PROS1: variants seen among roughly 807,000 people sequenced by gnomAD.
PROS1 encodes the protein vitamin K-dependent protein S.
PROS1 carries 29 observed loss-of-function variants against 75.9 expected under a neutral mutation model. The ratio of observed to expected loss-of-function variants is 0.38; its 90% CI spans 0.28 to 0.52. The LOEUF is 0.52. Ranked by LOEUF, PROS1 falls within the 20% of genes least tolerant of loss-of-function variation. The pLI is 0.83. For missense variants in PROS1, 680 were observed against 810.3 expected (o/e 0.84, Z 1.95); for synonymous variants, 245 against 280.6 (o/e 0.87, Z 1.27).
intron 1 of PROS1, among the ~76,000 whole-genome samples, chr3:93,970,199 T>C (rs544548236): frequency 1.8e-3 from 268 of 152,270 alleles, no homozygotes; most frequent in Non-Finnish European, 3.1e-3. Flanking sequence ...CAGTAGTGTC[T>C]AGAGTAGCCT....
chr3:93,878,975 C>T (rs1708231938), intron 13 of PROS1, among the ~76,000 whole-genome samples, 188 bp downstream of exon 13: 1 of 151,978 alleles, frequency 6.6e-6, no homozygotes, highest in Admixed American at 6.6e-5. Context: ...TGGAAACAAG[C>T]CAGAAAAAAA....
intron 6 of PROS1, 150 bp downstream of exon 6, chr3:93,905,634 T>A: frequency 1.2e-6 from 1 of 842,180 alleles, no homozygotes; most frequent in Non-Finnish European, 1.9e-6. Flanking sequence ...AAAAAGCAGT[T>A]CCACAGTATC....
intron 1 of PROS1, among the ~76,000 whole-genome samples, chr3:93,956,192 CTTTCAATTTTGCTAA>C (rs1709595575): frequency 6.6e-6 from 1 of 151,948 alleles, no homozygotes; most frequent in Non-Finnish European, 1.5e-5. Flanking sequence ...TTATTGGTAT[CTTTCAATTTTGCTAA>C]TTTTTATGGG....
chr3:93,935,035 C>A (rs1013316631), intron 1 of PROS1, among the ~76,000 whole-genome samples: 4 of 151,948 alleles, frequency 2.6e-5, no homozygotes, highest in African/African-American at 9.7e-5. Context: ...CTCCAAACAG[C>A]AAATATCTTT....
intron 4 of PROS1, among the ~76,000 whole-genome samples, chr3:93,910,131 CAA>C (rs1398460326): frequency 6.6e-6 from 1 of 151,972 alleles, no homozygotes; most frequent in African/African-American, 2.4e-5. Flanking sequence ...ACCAATTTAC[CAA>C]AAAAGAGTCA....
At chr3:93,964,435 G>A (rs577144347) in intron 1 of PROS1, among the ~76,000 whole-genome samples, 6 of 152,228 alleles carry the variant, frequency 3.9e-5, no homozygotes, top group East Asian at 3.9e-4. Context: ...TGTCCTATGC[G>A]GTTGAGATAA....
At chr3:93,950,908 C>T (rs756619846) in intron 1 of PROS1, among the ~76,000 whole-genome samples, 4 of 151,966 alleles carry the variant, frequency 2.6e-5, no homozygotes, top group Admixed American at 6.6e-5. Flanking sequence ...GGAGGATGTG[C>T]GAATCCATTG....
intron 14 of PROS1, 85 bp downstream of exon 14, chr3:93,876,881 C>A (rs372706224): frequency 6.5e-6 from 6 of 919,498 alleles, no homozygotes; most frequent in Non-Finnish European, 8.1e-6. Flanking sequence ...CCTTCTGATG[C>A]TTTTTTACTA....
rs554417943 is a variant in PROS1 at position 93,932,922 on chromosome 3, C to T, written c.77-5515G>A. 2.6e-5 allele frequency among the ~76,000 whole-genome samples: 4 copies of T among 152,248 alleles called. No individual in the cohort carries two copies. The East Asian group carries it at 7.7e-4, about 29-fold the overall frequency. ...GAGGAGCATCCAGGTTTTAGGATAGCTTATCCTCTGAAGCTCTTCCATTTT... is the reference window on the plus strand; with the variant it reads ...GAGGAGCATCCAGGTTTTAGGATAGTTTATCCTCTGAAGCTCTTCCATTTT... On this transcript the variant is annotated intron_variant, in intron 1 of 14. Transcript: ENST00000394236.
chr3:93,897,730 A>T (rs1439363542), intron 8 of PROS1, among the ~76,000 whole-genome samples: 1 of 152,076 alleles, frequency 6.6e-6, no homozygotes, highest in Non-Finnish European at 1.5e-5. Flanking sequence ...GGTCTGCCTC[A>T]TAATAATATA....
chr3:93,904,866 A>G (rs1181369074), intron 6 of PROS1, among the ~76,000 whole-genome samples: 2 of 152,202 alleles, frequency 1.3e-5, no homozygotes, highest in Non-Finnish European at 2.9e-5. Flanking sequence ...AAACAAATAC[A>G]CTAGTAAAAT....
chr3:93,962,099 A>G (rs1428130127), intron 1 of PROS1, among the ~76,000 whole-genome samples: 1 of 152,098 alleles, frequency 6.6e-6, no homozygotes, highest in African/African-American at 2.4e-5. Context: ...TGCTGGTGGG[A>G]GGGACAGCAA....
intron 1 of PROS1, among the ~76,000 whole-genome samples, chr3:93,961,237 G>A (rs1267624426): frequency 6.6e-6 from 1 of 152,186 alleles, no homozygotes; most frequent in Non-Finnish European, 1.5e-5. Flanking sequence ...TCCATTTTGA[G>A]AGGAGAAGCA....
chr3:93,945,712 G>A (rs1012148364), intron 1 of PROS1, among the ~76,000 whole-genome samples: 1 of 152,118 alleles, frequency 6.6e-6, no homozygotes, highest in Non-Finnish European at 1.5e-5. Context: ...CATACTGAAT[G>A]GGCAAAAATG....
At chr3:93,886,772 C>T (rs2107140679) in intron 10 of PROS1, among the ~76,000 whole-genome samples, 1 of 152,190 alleles carries the variant, frequency 6.6e-6, no homozygotes, top group South Asian at 2.1e-4. Context: ...GCTTAAACAT[C>T]CAGTTATATA....
At chr3:93,929,950 A>C (rs1383655062) in intron 1 of PROS1, among the ~76,000 whole-genome samples, 1 of 152,214 alleles carries the variant, frequency 6.6e-6, no homozygotes, top group Non-Finnish European at 1.5e-5. Context: ...GGTAAACAAT[A>C]AGCAATAAAT....
chr3:93,945,056 A>G (rs1403444743), intron 1 of PROS1, among the ~76,000 whole-genome samples: 1 of 152,226 alleles, frequency 6.6e-6, no homozygotes, highest in Non-Finnish European at 1.5e-5. Flanking sequence ...CAAATAAAGT[A>G]GAAAATCTAG....
At chr3:93,929,794 T>A (rs1709077197) in intron 1 of PROS1, among the ~76,000 whole-genome samples, 1 of 152,248 alleles carries the variant, frequency 6.6e-6, no homozygotes, top group African/African-American at 2.4e-5. Flanking sequence ...TTAATACAGC[T>A]TTTTAATGAA....
chr3:93,887,110 G>C (rs1433776456), intron 10 of PROS1, among the ~76,000 whole-genome samples: 1 of 151,560 alleles, frequency 6.6e-6, no homozygotes, highest in African/African-American at 2.4e-5. Context: ...AGTAGAGACG[G>C]GGTTTCACCT....
Sources: allele counts gnomAD v4.1 joint callset (sites outside exome capture counted in the v4.1 genomes callset), GRCh38; gene constraint gnomAD v4.1.1; transcripts MANE v1.5; gene names NCBI Gene and HGNC (gene_info 2026-07-23, HGNC 2026-07-21).